The following PMEPA1 variants were observed in gnomAD, a reference collection of about 807,000 sequenced individuals.
PMEPA1 encodes the protein prostate transmembrane protein, androgen induced 1, also known as protein TMEPAI.
A neutral mutation model predicts 23.0 loss-of-function variants in PMEPA1; 11 were observed. That is an observed-to-expected ratio of 0.48 (90% CI 0.30 to 0.79). The LOEUF is 0.79. PMEPA1 is among the 30% of genes least tolerant of loss of function. The probability of loss-of-function intolerance (pLI) is 0.06; values close to 1 mark genes in which losing one functional copy is unlikely to be tolerated. For missense variants in PMEPA1, 377 were observed against 390.9 expected (o/e 0.96, Z 0.30); for synonymous variants, 204 against 166.4 (o/e 1.23, Z -1.74).
At chr20:57,696,795 C>T (rs1304216935) in intron 1 of PMEPA1, among the ~76,000 whole-genome samples, 1 of 152,238 alleles carries the variant, frequency 6.6e-6, no homozygotes, top group African/African-American at 2.4e-5. Context: ...AAAGGGAATG[C>T]CGCGAAGCGC....
intron 1 of PMEPA1, among the ~76,000 whole-genome samples, chr20:57,662,344 G>A (rs1486460070): frequency 6.6e-6 from 1 of 152,236 alleles, no homozygotes; most frequent in Non-Finnish European, 1.5e-5. Flanking sequence ...CATTTCACGG[G>A]TGAGGAGACA....
intron 2 of PMEPA1, among the ~76,000 whole-genome samples, chr20:57,654,802 C>A (rs1380766596): frequency 6.6e-6 from 1 of 152,176 alleles, no homozygotes; most frequent in Non-Finnish European, 1.5e-5. Context: ...GGCTGGCGAG[C>A]CTGCGTGTCT....
intron 1 of PMEPA1, among the ~76,000 whole-genome samples, chr20:57,703,672 G>A (rs1422746882): frequency 6.6e-6 from 1 of 152,222 alleles, no homozygotes; most frequent in Non-Finnish European, 1.5e-5. Flanking sequence ...CAAGGCCATG[G>A]GCCCCAGATG....
At chr20:57,660,615 C>T (rs1029485352) in intron 1 of PMEPA1, among the ~76,000 whole-genome samples, 3 of 144,518 alleles carry the variant, frequency 2.1e-5, no homozygotes, top group Admixed American at 2.0e-4. Context: ...GTACCCCTAA[C>T]ACTCCTACAC....
intron 1 of PMEPA1, among the ~76,000 whole-genome samples, chr20:57,688,506 C>T (rs1282509082): frequency 6.6e-6 from 1 of 152,124 alleles, no homozygotes; most frequent in South Asian, 2.1e-4. Context: ...AGTTGAGAAC[C>T]CCAGAGTTAG....
At chr20:57,668,518 A>G (rs1035608813) in intron 1 of PMEPA1, among the ~76,000 whole-genome samples, 2 of 152,180 alleles carry the variant, frequency 1.3e-5, no homozygotes, top group Non-Finnish European at 2.9e-5. Context: ...CCCTGTCCCC[A>G]CAAGACATGA....
intron 1 of PMEPA1, among the ~76,000 whole-genome samples, chr20:57,668,066 C>T (rs2071518899): frequency 6.6e-6 from 1 of 152,182 alleles, no homozygotes; most frequent in South Asian, 2.1e-4. Context: ...TTTTTAAAAC[C>T]AGACTGTACT....
intron 1 of PMEPA1, chr20:57,690,521 G>T: frequency 7.7e-7 from 1 of 1,294,530 alleles, no homozygotes. Flanking sequence ...TTTTTATTGT[G>T]AAGCAAAAAA....
intron 1 of PMEPA1, among the ~76,000 whole-genome samples, chr20:57,677,775 C>CA (rs1000884853): frequency 2.0e-5 from 3 of 151,566 alleles, no homozygotes; most frequent in Middle Eastern, 3.4e-3. Context: ...AACAAACAAA[C>CA]AAAAAAAACT....
chr20:57,651,896 A>G lies in PMEPA1; in HGVS notation c.*157T>C. ...CTCTCTTAGCTTGTGCATTCAGACCAGACATCACATGTAAATATTTATACA... is the reference window on the plus strand; with the variant it reads ...CTCTCTTAGCTTGTGCATTCAGACCGGACATCACATGTAAATATTTATACA... On this transcript the variant is annotated 3_prime_UTR_variant, in exon 4 of 4. Coordinates refer to ENST00000341744, the MANE Select transcript of PMEPA1 (RefSeq NM_020182.5). 1 of 479,270 alleles carries G rather than the reference A, an allele frequency of 2.1e-6. No individual in the cohort carries two copies. The highest frequency in any genetic ancestry group is 3.5e-6 in the Non-Finnish European group (1 of 282,866). The allele number at this position is 479,270 out of a possible 1,614,324, so 29.7% of individuals were successfully genotyped here.
intron 1 of PMEPA1, among the ~76,000 whole-genome samples, chr20:57,662,724 C>T (rs1355700043): frequency 6.9e-6 from 1 of 144,070 alleles, no homozygotes; most frequent in Non-Finnish European, 1.5e-5. Flanking sequence ...ACCCCCGGGG[C>T]CTGCAATTCC....
chr20:57,680,214 T>G (rs2071693822), intron 1 of PMEPA1, among the ~76,000 whole-genome samples: 2 of 152,230 alleles, frequency 1.3e-5, no homozygotes, highest in African/African-American at 4.8e-5. Context: ...CTAAGAGCTT[T>G]AAGTGCATTA....
At chr20:57,686,727 A>G (rs1453680496) in intron 1 of PMEPA1, among the ~76,000 whole-genome samples, 1 of 152,250 alleles carries the variant, frequency 6.6e-6, no homozygotes, top group African/African-American at 2.4e-5. Flanking sequence ...AGATGGAGTG[A>G]CCAGAAGTAC....
At position 57,690,496 on chromosome 20, in the gene PMEPA1, A is replaced by G; in HGVS notation, c.109+18978T>C. 2.3e-6 allele frequency: 3 copies of G among 1,302,192 alleles called. No homozygotes were observed. The South Asian group carries it at 3.7e-5, about 16-fold the overall frequency. 80.7% of individuals were successfully genotyped at this position (1,302,192 alleles called of 1,614,324 possible). A position where few individuals can be genotyped will look rare whatever the true frequency, so the allele number is the denominator to read the frequency against. On this transcript the variant is annotated intron_variant, in intron 1 of 3. Transcript: ENST00000341744. ...GGAGTGTATATCACTTTTTACAATC[A>G]GAAGAGCCATGCTATTTTTATTGTG...
intron 1 of PMEPA1, among the ~76,000 whole-genome samples, chr20:57,696,912 A>G (rs562713923): frequency 3.4e-4 from 52 of 152,344 alleles, no homozygotes; most frequent in Admixed American, 1.9e-3. Context: ...GGAAAATGAC[A>G]TATTGTCAAG....
Position 57,655,680 on chromosome 20 carries a change from CCT to C in PMEPA1, c.265-2596_265-2595del, listed in dbSNP as rs1568961434. 3.9e-5 allele frequency among the ~76,000 whole-genome samples: 6 copies of C among 152,184 alleles called. No homozygotes were observed. Among genetic ancestry groups the C allele is most frequent in the African/African-American group, 1.4e-4 (6 of 41,436 alleles). On this transcript the variant is annotated intron_variant, in intron 2 of 3. Transcript: ENST00000341744. The surrounding 1 kb of genome is among the most constrained non-coding windows in gnomAD (Gnocchi z 4.2). ...TCCTACAGCCACTGCTGACGAGCCC[CCT>C]GCTCCCAGCAGCCTCCAACCACTCC...
intron 1 of PMEPA1, among the ~76,000 whole-genome samples, chr20:57,672,888 C>T (rs571959109): frequency 2.0e-5 from 3 of 152,322 alleles, no homozygotes; most frequent in South Asian, 4.1e-4. Context: ...GATTCGTTCA[C>T]TCTCTGTGCC....
chr20:57,660,743 CACA>C (rs1309367752), intron 1 of PMEPA1, among the ~76,000 whole-genome samples: 2 of 150,452 alleles, frequency 1.3e-5, no homozygotes, highest in African/African-American at 4.9e-5. Flanking sequence ...CTCCTACACA[CACA>C]ACACCCCAAC....
intron 1 of PMEPA1, among the ~76,000 whole-genome samples, chr20:57,668,750 C>T (rs1363145226): frequency 1.3e-5 from 2 of 152,250 alleles, no homozygotes; most frequent in African/African-American, 4.8e-5. Flanking sequence ...TGCTCTGTTC[C>T]AGCCACTTGT....
Sources: allele counts gnomAD v4.1 joint callset (sites outside exome capture counted in the v4.1 genomes callset), GRCh38; gene constraint gnomAD v4.1.1; non-coding constraint Gnocchi (gnomAD v3.1); transcripts MANE v1.5; gene names NCBI Gene and HGNC (gene_info 2026-07-23, HGNC 2026-07-21).